Variants in CEP295 observed in about 807,000 individuals in gnomAD.
CEP295 encodes the protein centrosomal protein of 295 kDa.
A neutral mutation model predicts 291.6 loss-of-function variants in CEP295; 190 were observed. The observed-to-expected ratio is 0.65, with a 90% CI of 0.58 to 0.73. The LOEUF is 0.73. Among genes scored for constraint, CEP295 ranks in the 30% least tolerant of loss-of-function variants. CEP295 has a pLI of 0.00. For synonymous variants in CEP295, 993 were observed against 1,038.8 expected (o/e 0.96, Z 0.85); for missense variants, 2,863 against 2,949.4 (o/e 0.97, Z 0.68).
intron 15 of CEP295, among the ~76,000 whole-genome samples, chr11:93,700,806 G>A (rs187743536): frequency 1.3e-3 from 197 of 152,230 alleles, no homozygotes; most frequent in African/African-American, 4.4e-3. Flanking sequence ...AAAAATAACT[G>A]GTTAGCAGAA....
At chr11:93,683,197 CT>C (rs1301567050) in intron 7 of CEP295, among the ~76,000 whole-genome samples, 1 of 152,144 alleles carries the variant, frequency 6.6e-6, no homozygotes, top group African/African-American at 2.4e-5. Flanking sequence ...GCCATGGCAA[CT>C]TATATAGACA....
Position 93,727,482 on chromosome 11 carries a change from G to T in CEP295, c.7006G>T (p.Ala2336Ser), listed in dbSNP as rs1208189893. 3.7e-5 allele frequency: 58 copies of T among 1,551,810 alleles called. No homozygotes were observed. Among genetic ancestry groups the T allele is most frequent in the Non-Finnish European group, 4.6e-5 (53 of 1,147,036 alleles). ...AGTGGAGATGGGAACTTCAATTCAG[G>T]CACCATATTCCTTAACTACTCAAAA... ...RTVEMGTSIQ[A>S]PYSLTTQNEK... Residue 2336 changes from alanine to serine, a missense_variant, in exon 24 of 30, where the codon GCA (alanine) becomes TCA (serine). Physicochemically the swap from Ala to Ser is moderately conservative, Grantham distance 99 (BLOSUM62 1). Around this residue, in one of 3 missense-constraint regions of CEP295, gnomAD observed 2,295 missense variants for 2,335.7 expected, o/e 0.98. Transcript: ENST00000325212.
intron 18 of CEP295, among the ~76,000 whole-genome samples, chr11:93,719,052 G>A (rs1348790257): frequency 6.6e-6 from 1 of 151,958 alleles, no homozygotes; most frequent in African/African-American, 2.4e-5. Flanking sequence ...AGTTTGCAGT[G>A]AGCCAAGATC....
rs769853020 is a variant in CEP295, at chr11:93,724,291, G to A, written c.6234G>A (p.Leu2078=). The change falls in exon 22 of 30, where the codon CTG becomes CTA. Residue 2078 remains leucine (L), a synonymous_variant. Transcript: ENST00000325212. The part of the protein sequence containing the change: ...EHIFPNLHHQ[L]FKPLEPHPDF... ...TTTTTCCTAATTTGCATCATCAGCT[G>A]TTTAAACCCTTAGAACCACATCCAG... 4 of 1,550,810 alleles carry A rather than the reference G, an allele frequency of 2.6e-6. No individual in the cohort carries two copies. In the African/African-American group the frequency reaches 5.5e-5, roughly 21 times the overall value.
chr11:93,705,032 T>C (rs577634296), intron 17 of CEP295, among the ~76,000 whole-genome samples: 1 of 152,314 alleles, frequency 6.6e-6, no homozygotes, highest in East Asian at 1.9e-4. Context: ...TTCTAAACTT[T>C]TTTTCATGTA....
At position 93,723,136 on chromosome 11, in the gene CEP295, C is replaced by A. The variant is rs1338369082; in HGVS notation, c.6043C>A (p.Gln2015Lys). The A allele has an allele frequency of 6.4e-7, 1 of 1,551,840 alleles. No individual in the cohort carries two copies. The highest frequency in any genetic ancestry group is 1.4e-5 in the African/African-American group (1 of 73,022). Residue 2015 changes from glutamine to lysine, a missense_variant, in exon 21 of 30, where the codon CAA becomes AAA. Around this residue, in one of 3 missense-constraint regions of CEP295, gnomAD observed 2,295 missense variants for 2,335.7 expected, o/e 0.98. Coordinates refer to ENST00000325212, the MANE Select transcript of CEP295 (RefSeq NM_033395.2). The stretch of plus-strand genomic sequence containing the variant: ...TATAAGTTCCATAGTTCCTTCAACA[C>A]AAGATATTTATCAGCGGCAGAACTC... The part of the protein sequence containing the change: ...NIISSIVPST[Q>K]DIYQRQNSSD...
At chr11:93,710,928 T>G (rs577598620) in intron 18 of CEP295, among the ~76,000 whole-genome samples, 1 of 152,326 alleles carries the variant, frequency 6.6e-6, no homozygotes, top group Admixed American at 6.5e-5. Context: ...TAACGATCCT[T>G]TAAATTTCTG....
In CEP295 at chr11:93,728,743, T is replaced by TA; in HGVS notation, c.7225dup (p.Thr2409AsnfsTer5). On this transcript the variant is annotated frameshift_variant, in exon 25 of 30. Coordinates refer to ENST00000325212, the MANE Select transcript of CEP295 (RefSeq NM_033395.2). LOFTEE classifies it high-confidence loss of function. ...AACTTACTTTAATAAGCACCACTGATACCAGTATTGCTGAAATGGATTTTG... is the reference window on the plus strand; with the variant it reads ...AACTTACTTTAATAAGCACCACTGATAACCAGTATTGCTGAAATGGATTTTG... 6.4e-7 allele frequency: 1 copy of TA among 1,550,996 alleles called. No individual in the cohort carries two copies. Among genetic ancestry groups the TA allele is most frequent in the Non-Finnish European group, 8.7e-7 (1 of 1,146,674 alleles).
intron 1 of CEP295, among the ~76,000 whole-genome samples, chr11:93,663,706 T>C (rs542202971): frequency 7.9e-5 from 12 of 152,302 alleles, no homozygotes; most frequent in Admixed American, 7.2e-4. Flanking sequence ...TTAAAAATTA[T>C]ACACAAGAAG....
rs763108226 is a variant in CEP295 at position 93,669,754 on chromosome 11, C to T, written c.512C>T (p.Pro171Leu). The T allele has an allele frequency of 1.2e-4, 180 of 1,549,794 alleles. No individual in the cohort carries two copies. The Admixed American group carries it at 3.5e-3, about 30-fold the overall frequency. Reference protein sequence around the residue: ...SAKITSLPPPPPTLFENIEVK... With the variant: ...SAKITSLPPPLPTLFENIEVK... Reference sequence around the variant, plus strand: ...AAAATTACAAGTCTGCCACCTCCTCCTCCAACTCTTTTTGAGGTGAGTTTG... The same window carrying T: ...AAAATTACAAGTCTGCCACCTCCTCTTCCAACTCTTTTTGAGGTGAGTTTG... Residue 171 changes from proline (P) to leucine (L), a missense_variant, in exon 5 of 30, where the codon CCT (proline) becomes CTT (leucine). Physicochemically the swap from Pro to Leu is moderately conservative, Grantham distance 98. Around this residue, in one of 3 missense-constraint regions of CEP295, gnomAD observed 554 missense variants for 576.0 expected, o/e 0.96. Coordinates refer to ENST00000325212, the MANE Select transcript of CEP295 (RefSeq NM_033395.2).
At chr11:93,683,841 C>G (rs1951092540) in intron 8 of CEP295, 99 bp downstream of exon 8, 1 of 1,428,604 alleles carries the variant, frequency 7.0e-7, no homozygotes. Context: ...GAAATGAGTT[C>G]TCTGTTTGAA....
rs145085803 is a variant in CEP295 at position 93,671,458 on chromosome 11, G to C, written c.528+1688G>C. ...TTCTTGCGTCCCCGTGACTCCATGA[G>C]CATTTCCTTGCTCTGTGCCCCAGCA... On this transcript the variant is annotated intron_variant, in intron 5 of 29. Transcript: ENST00000325212. Among the ~76,000 whole-genome samples, 24 of 152,258 alleles carry C rather than the reference G, an allele frequency of 1.6e-4. No homozygotes were observed. The East Asian group carries it at 4.6e-3, about 29-fold the overall frequency.
At chr11:93,725,127 G>A (rs1346098167) in intron 22 of CEP295, among the ~76,000 whole-genome samples, 1 of 151,322 alleles carries the variant, frequency 6.6e-6, no homozygotes, top group East Asian at 2.0e-4. Context: ...GTGATGGCAT[G>A]CCTGTAGTCC....
At chr11:93,702,109 C>T (rs190499369) in intron 15 of CEP295, among the ~76,000 whole-genome samples, 1 of 152,136 alleles carries the variant, frequency 6.6e-6, no homozygotes, top group Non-Finnish European at 1.5e-5. Flanking sequence ...CAGGCATGCA[C>T]AATCACGCCC....
At position 93,721,726 on chromosome 11, in the gene CEP295, C is replaced by G. The variant is rs560118515; in HGVS notation, c.5851-228C>G. ...TACGCACATGTGTTTATAAAGATAACAGCTGTAGGAATGAATGAGATTGAG... is the reference window on the plus strand; with the variant it reads ...TACGCACATGTGTTTATAAAGATAAGAGCTGTAGGAATGAATGAGATTGAG... On this transcript the variant is annotated intron_variant, in intron 19 of 29. Transcript: ENST00000325212. 3.6e-4 allele frequency: 259 copies of G among 711,890 alleles called. 3 individuals carry two copies. Among genetic ancestry groups the G allele is most frequent in the African/African-American group, 3.6e-3 (207 of 57,124 alleles). 44.1% of individuals were successfully genotyped at this position (711,890 alleles called of 1,614,324 possible). A position where few individuals can be genotyped will look rare whatever the true frequency, so the allele number is the denominator to read the frequency against.
intron 21 of CEP295, chr11:93,723,584 T>C (rs1419438517): frequency 7.0e-5 from 16 of 230,058 alleles, no homozygotes; most frequent in Non-Finnish European, 1.3e-4. Context: ...AGCTCAGAAA[T>C]CATACAGTTC....
Position 93,695,479 on chromosome 11 carries a change from T to A in CEP295, c.1534-18T>A. 1 of 1,409,426 alleles carries A rather than the reference T, an allele frequency of 7.1e-7. No individual in the cohort carries two copies. Among genetic ancestry groups the A allele is most frequent in the Non-Finnish European group, 9.3e-7 (1 of 1,080,038 alleles). The allele number at this position is 1,409,426 out of a possible 1,614,324, so 87.3% of individuals were successfully genotyped here. A position where few individuals can be genotyped will look rare whatever the true frequency, so the allele number is the denominator to read the frequency against. ...TATGAGTTTGTTGTTAATAGATCAATAGTATTTTGTTACCTAGATAATGGA... is the reference window on the plus strand; with the variant it reads ...TATGAGTTTGTTGTTAATAGATCAAAAGTATTTTGTTACCTAGATAATGGA... On this transcript the variant is annotated intron_variant, in intron 12 of 29. Transcript: ENST00000325212.
At chr11:93,669,618 C>A in intron 4 of CEP295, 59 bp from the exon 5 acceptor site, 1 of 1,118,796 alleles carries the variant, frequency 8.9e-7, no homozygotes, top group Non-Finnish European at 1.3e-6. Flanking sequence ...ATTTTTAACC[C>A]TGTTGTACTA....
intron 1 of CEP295, among the ~76,000 whole-genome samples, chr11:93,666,082 G>A (rs1375771882): frequency 6.6e-6 from 1 of 152,176 alleles, no homozygotes; most frequent in Admixed American, 6.5e-5. Context: ...GAATAAGTCA[G>A]GTCCAGATAC....
Sources: allele counts gnomAD v4.1 joint callset (sites outside exome capture counted in the v4.1 genomes callset), GRCh38; gene constraint gnomAD v4.1.1; regional missense constraint gnomAD v4.1.1; transcripts MANE v1.5; gene names NCBI Gene and HGNC (gene_info 2026-07-23, HGNC 2026-07-21).